The following PHYKPL variants were observed in gnomAD, a reference collection of about 807,000 sequenced individuals.
PHYKPL encodes the protein 5-phosphohydroxy-L-lysine phospho-lyase, also known as 5-phosphonooxy-L-lysine phospho-lyase.
In PHYKPL, 42 loss-of-function variants were observed where a neutral mutation model predicts 51.3. The ratio of observed to expected loss-of-function variants is 0.82; its 90% CI spans 0.64 to 1.06. The LOEUF (loss-of-function observed/expected upper bound fraction) is 1.06. PHYKPL is among the 50% of genes least tolerant of loss of function. PHYKPL has a pLI of 0.00. For synonymous variants in PHYKPL, 264 were observed against 236.0 expected (o/e 1.12, Z -1.09); for missense variants, 655 against 586.6 (o/e 1.12, Z -1.20).
chr5:178,229,153 C>G (rs184493610), intron 3 of PHYKPL, among the ~76,000 whole-genome samples: 149 of 146,602 alleles, frequency 1.0e-3, no homozygotes, highest in Middle Eastern at 7.2e-3. Context: ...GTCCTGCAGA[C>G]TGCAGTGCAG....
chr5:178,231,233 G>A (rs895889395), intron 2 of PHYKPL, among the ~76,000 whole-genome samples, 172 bp downstream of exon 2: 4 of 152,212 alleles, frequency 2.6e-5, no homozygotes, highest in African/African-American at 9.7e-5. Context: ...CACAGCTCCA[G>A]ATTGCAGAAT....
At chr5:178,207,758 G>A (rs901364639), downstream of PHYKPL, among the ~76,000 whole-genome samples, 2 of 134,492 alleles carry the variant, frequency 1.5e-5, no homozygotes, top group Admixed American at 8.6e-5. Flanking sequence ...GCTGGGGTGC[G>A]GTAACACAAT....
At chr5:178,210,104 G>C (rs747544038) in intron 12 of PHYKPL, 2 of 1,611,472 alleles carry the variant, frequency 1.2e-6, no homozygotes, top group African/African-American at 2.7e-5. Context: ...AATGGTCCAC[G>C]GGCCCCTGTG....
In PHYKPL at chr5:178,212,025, C is replaced by G. The variant is rs373104584; in HGVS notation, c.1304-55G>C. The G allele has an allele frequency of 2.5e-6, 4 of 1,585,436 alleles. No homozygotes were observed. The African/African-American group carries it at 5.4e-5, about 21-fold the overall frequency. On this transcript the variant is annotated intron_variant, in intron 11 of 12. Transcript: ENST00000308158. ...CAGTCACCTTTCTCTGCTGAAGATG[C>G]CCTGTTGACTTCAGTGTCCAAACTG...
In PHYKPL at chr5:178,232,791, G is replaced by A. The variant is rs1021531607; in HGVS notation, c.-241C>T. The A allele has an allele frequency of 8.6e-6, 3 of 348,350 alleles. No individual in the cohort carries two copies. The highest frequency in any genetic ancestry group is 1.4e-5 in the Non-Finnish European group (3 of 209,156). The allele number at this position is 348,350 out of a possible 1,614,324, so 21.6% of individuals were successfully genotyped here. ...GGCAGTCCCGCGCAGGAACTCGAGCGCTGCCCCGTCTCTGGTTCCGGGACG... is the reference window on the plus strand; with the variant it reads ...GGCAGTCCCGCGCAGGAACTCGAGCACTGCCCCGTCTCTGGTTCCGGGACG... On this transcript the variant is annotated 5_prime_UTR_variant, in exon 1 of 13. Transcript: ENST00000308158.
At chr5:178,224,751 A>G (rs1761953305) in intron 4 of PHYKPL, 22 bp from the exon 5 acceptor site, 1 of 1,595,332 alleles carries the variant, frequency 6.3e-7, no homozygotes, top group Non-Finnish European at 8.6e-7. Flanking sequence ...AAGGGAGGGT[A>G]GGCTCGGGTC....
chr5:178,219,296 A>C (rs937456016), intron 8 of PHYKPL, among the ~76,000 whole-genome samples: 23 of 152,158 alleles, frequency 1.5e-4, no homozygotes, highest in African/African-American at 5.6e-4. Context: ...CACAATAGAC[A>C]AGGGATTAGC....
intron 3 of PHYKPL, chr5:178,225,645 T>A: frequency 3.5e-6 from 2 of 564,422 alleles, no homozygotes; most frequent in Non-Finnish European, 6.3e-6. Flanking sequence ...TTGGCCCTTC[T>A]GGAATTTACA....
At position 178,225,524 on chromosome 5, in the gene PHYKPL, G is replaced by A. The variant is rs1762114843; in HGVS notation, c.339-95C>T. ...AGGAGGACCCTTCCAGCAGCAAGAA[G>A]ATTCTCAGGACATCAACTAGTCAGT... On this transcript the variant is annotated intron_variant, in intron 3 of 12. Coordinates refer to ENST00000308158, the MANE Select transcript of PHYKPL (RefSeq NM_153373.4). 3.3e-5 allele frequency: 39 copies of A among 1,191,118 alleles called. No homozygotes were observed. In the South Asian group the frequency reaches 4.9e-4, roughly 15 times the overall value. 73.8% of individuals were successfully genotyped at this position (1,191,118 alleles called of 1,614,324 possible).
At chr5:178,210,110 C>A (rs746804923) in intron 12 of PHYKPL, 1 of 1,613,420 alleles carries the variant, frequency 6.2e-7, no homozygotes. Flanking sequence ...CCACGGGCCC[C>A]TGTGCCCTGC....
chr5:178,210,496 C>T (rs553267977), intron 12 of PHYKPL: 70 of 1,552,728 alleles, frequency 4.5e-5, no homozygotes, highest in Middle Eastern at 1.7e-4. Flanking sequence ...ATATCAAGCG[C>T]GTGGCACAGG....
intron 11 of PHYKPL, 114 bp downstream of exon 11, chr5:178,212,859 C>CA: frequency 7.1e-7 from 1 of 1,413,912 alleles, no homozygotes; most frequent in Admixed American, 2.0e-5. Context: ...GTCCAGAGGA[C>CA]ATGTGCCTCT....
intron 8 of PHYKPL, chr5:178,217,025 A>G (rs1759942418): frequency 6.6e-6 from 1 of 152,264 alleles, no homozygotes; most frequent in African/African-American, 2.4e-5. Flanking sequence ...TATCCAAACA[A>G]GCAAACAGAA....
At position 178,222,427 on chromosome 5, in the gene PHYKPL, A is replaced by G; in HGVS notation, c.855T>C (p.Pro285=). 1 of 1,614,258 alleles carries G rather than the reference A, an allele frequency of 6.2e-7. No individual in the cohort carries two copies. Among genetic ancestry groups the G allele is most frequent in the Non-Finnish European group, 8.5e-7 (1 of 1,180,052 alleles). ...TMGKSIGNGH[P]VACVAATQPV... is the part of the protein sequence containing the mutation. ...GCTGGGTTGCGGCCACGCAGGCAAC[A>G]GGGTGGCCGTTGCCAATGGACTTGC... Residue 285 remains proline, a synonymous_variant, in exon 8 of 13, where the codon CCT becomes CCC. Transcript: ENST00000308158.
downstream of PHYKPL, among the ~76,000 whole-genome samples, chr5:178,207,863 T>A (rs949050268): frequency 2.0e-5 from 3 of 151,986 alleles, no homozygotes; most frequent in Non-Finnish European, 4.4e-5. Context: ...CCACCATGCC[T>A]GGCTCATATG....
At chr5:178,217,785 G>C (rs1401369069) in intron 8 of PHYKPL, among the ~76,000 whole-genome samples, 9 of 149,268 alleles carry the variant, frequency 6.0e-5, no homozygotes, top group African/African-American at 2.2e-4. Context: ...GTGAACCCGG[G>C]AGGCAGAGCT....
chr5:178,225,830 T>G, intron 3 of PHYKPL: 1 of 202,950 alleles, frequency 4.9e-6, no homozygotes, highest in Non-Finnish European at 1.0e-5. Context: ...TTGGGTGTCC[T>G]CCAATTCAAT....
At chr5:178,224,798 G>A (rs1432167683) in intron 4 of PHYKPL, 69 bp from the exon 5 acceptor site, 26 of 1,256,962 alleles carry the variant, frequency 2.1e-5, no homozygotes, top group Admixed American at 5.9e-5. Flanking sequence ...TCTGACCATC[G>A]TCTCCCCACC....
Position 178,224,663 on chromosome 5 carries a change from G to A in PHYKPL, c.480C>T (p.Gly160=), listed in dbSNP as rs377399060. 1.9e-6 allele frequency: 3 copies of A among 1,614,126 alleles called. No individual in the cohort carries two copies. The highest frequency in any genetic ancestry group is 2.5e-6 in the Non-Finnish European group (3 of 1,180,054). ...ISPYKFRNLD[G]QKEWVHVAPL... is the part of the protein sequence containing the mutation. The stretch of plus-strand genomic sequence containing the variant: ...ATACCACGTGGACCCACTCCTTCTG[G>A]CCATCCAGGTTGCGGAACTTGTAGG... Residue 160 remains glycine, a synonymous_variant, in exon 5 of 13, where the codon GGC becomes GGT. Coordinates refer to ENST00000308158, the MANE Select transcript of PHYKPL (RefSeq NM_153373.4).
Sources: gnomAD v4.1 joint callset for allele counts (sites outside exome capture counted in the v4.1 genomes callset) on GRCh38, gnomAD v4.1.1 for gene constraint, MANE v1.5 for transcripts, NCBI Gene and HGNC (gene_info 2026-07-23, HGNC 2026-07-21) for gene names.